ERCC2: variants seen among roughly 807,000 people sequenced by gnomAD.
ERCC2 encodes general transcription and DNA repair factor IIH helicase subunit XPD.
In ERCC2, 90 loss-of-function variants were observed where a neutral mutation model predicts 99.4. The ratio of observed to expected loss-of-function variants is 0.91; its 90% CI spans 0.76 to 1.08. The LOEUF (loss-of-function observed/expected upper bound fraction) is 1.08, where lower values mean the gene tolerates loss of function less well. Ranked by LOEUF, ERCC2 falls within the 50% of genes least tolerant of loss-of-function variation. The pLI is 0.00. For missense variants in ERCC2, 993 were observed against 1,038.1 expected (o/e 0.96, Z 0.60); for synonymous variants, 497 against 432.4 (o/e 1.15, Z -1.85).
At chr19:45,356,584 C>T (rs1203512801) in intron 15 of ERCC2, among the ~76,000 whole-genome samples, 6 of 152,130 alleles carry the variant, frequency 3.9e-5, no homozygotes, top group East Asian at 1.9e-4. Context: ...ACCAGGCGGG[C>T]GGATCACTTG....
rs763990019 is a variant in ERCC2 at position 45,369,059 on chromosome 19, G to T, written c.183+11C>A. 1 of 1,613,896 alleles carries T rather than the reference G, an allele frequency of 6.2e-7. No individual in the cohort carries two copies. Among genetic ancestry groups the T allele is most frequent in the Non-Finnish European group, 8.5e-7 (1 of 1,179,784 alleles). ...CTTTGTCTGCCTTTACGGGTTCAGC[G>T]CATCACTCACTCTCTGGTATGCCAT... On this transcript the variant is annotated intron_variant, in intron 3 of 22. Coordinates refer to ENST00000391945, the MANE Select transcript of ERCC2 (RefSeq NM_000400.4).
Position 45,350,574 on chromosome 19 carries a change from C to T in ERCC2, c.*1055G>A. 2 of 1,613,990 alleles carry T rather than the reference C, an allele frequency of 1.2e-6. No homozygotes were observed. The highest frequency in any genetic ancestry group is 1.7e-6 in the Non-Finnish European group (2 of 1,179,946). On this transcript the variant is annotated 3_prime_UTR_variant, in exon 23 of 23. Transcript: ENST00000391945. Reference sequence around the variant, plus strand: ...CAGGTGAGGATGGGCTGTGCTTCGGCTCCTGGGGTGGGCGTGGGGACTGCA... The same window carrying T: ...CAGGTGAGGATGGGCTGTGCTTCGGTTCCTGGGGTGGGCGTGGGGACTGCA...
In ERCC2 at chr19:45,368,496, T is replaced by C. The variant is rs562495906; in HGVS notation, c.360+134A>G. 4 of 720,330 alleles carry C rather than the reference T, an allele frequency of 5.6e-6. No individual in the cohort carries two copies. The Admixed American group carries it at 6.1e-5, about 11-fold the overall frequency. 44.6% of individuals were successfully genotyped at this position (720,330 alleles called of 1,614,324 possible). A position where few individuals can be genotyped will look rare whatever the true frequency, so the allele number is the denominator to read the frequency against. On this transcript the variant is annotated intron_variant, in intron 5 of 22. Coordinates refer to ENST00000391945, the MANE Select transcript of ERCC2 (RefSeq NM_000400.4). ...CCACGATGAATGAGAATTTGACCAC[T>C]GAGACGGGAATTCTGTGTGTAGCCA...
intron 11 of ERCC2, among the ~76,000 whole-genome samples, chr19:45,362,482 C>T (rs554082835): frequency 5.1e-4 from 77 of 152,332 alleles, no homozygotes; most frequent in African/African-American, 1.7e-3. Flanking sequence ...TCGGCCACAA[C>T]CACACACAGG....
At chr19:45,358,827 G>C (rs373281417) in intron 12 of ERCC2, 6 of 780,598 alleles carry the variant, frequency 7.7e-6, no homozygotes, top group Non-Finnish European at 1.4e-5. Flanking sequence ...CTTTGCTACT[G>C]GTTTTCCCAT....
rs1972567814 is a variant in ERCC2, at chr19:45,370,415, C to A, written c.5+121G>T. 9.3e-6 allele frequency: 14 copies of A among 1,498,680 alleles called. No homozygotes were observed. The South Asian group carries it at 1.7e-4, about 19-fold the overall frequency. The allele number at this position is 1,498,680 out of a possible 1,614,324, so 92.8% of individuals were successfully genotyped here. On this transcript the variant is annotated intron_variant, in intron 1 of 22. Coordinates refer to ENST00000391945, the MANE Select transcript of ERCC2 (RefSeq NM_000400.4). The stretch of plus-strand genomic sequence containing the variant: ...TATCACTGCTGCTCCCTGCGGCTGC[C>A]CCCGTCCCACCCCTTCACCCTCCCC...
Position 45,350,814 on chromosome 19 carries a change from C to T in ERCC2, c.*815G>A. ...GAATCCACAGCCCACCCCACCCCCA[C>T]CCCCATCTTGCTCAAGAACCTTCCA... On this transcript the variant is annotated 3_prime_UTR_variant, in exon 23 of 23. Transcript: ENST00000391945. 7.4e-7 allele frequency: 1 copy of T among 1,349,032 alleles called. No homozygotes were observed. 83.6% of individuals were successfully genotyped at this position (1,349,032 alleles called of 1,614,324 possible).
chr19:45,362,160 G>A (rs372232508), intron 11 of ERCC2, among the ~76,000 whole-genome samples: 5 of 151,926 alleles, frequency 3.3e-5, no homozygotes, highest in Non-Finnish European at 7.4e-5. Flanking sequence ...TTCTGACCTC[G>A]TGATCCACCT....
intron 12 of ERCC2, among the ~76,000 whole-genome samples, chr19:45,359,608 CA>C (rs1430355710): frequency 6.6e-6 from 1 of 152,140 alleles, no homozygotes; most frequent in Non-Finnish European, 1.5e-5. Context: ...TCCCTGGTCC[CA>C]AAACCCAGGC....
chr19:45,352,423 C>G, intron 21 of ERCC2, 71 bp from the exon 22 acceptor site: 2 of 1,613,774 alleles, frequency 1.2e-6, no homozygotes, highest in Non-Finnish European at 1.7e-6. Flanking sequence ...ACCCTGCAAC[C>G]CACCCCACCT....
Position 45,351,415 on chromosome 19 carries a change from G to A in ERCC2, c.*214C>T. The A allele has an allele frequency of 6.3e-7, 1 of 1,596,894 alleles. No individual in the cohort carries two copies. The highest frequency in any genetic ancestry group is 8.5e-7 in the Non-Finnish European group (1 of 1,175,044). On this transcript the variant is annotated 3_prime_UTR_variant, in exon 23 of 23. Transcript: ENST00000391945. ...GGGAACAGTGCAGGAGGGATGGGCT[G>A]GTGGGGTGAGAGGGGGTCTATCATC...
chr19:45,357,373 T>C lies in ERCC2; in HGVS notation c.1378-2A>G. ...GTAGATGTCCAGCGGGGACAGTGTC[T>C]GTGGCGGGACAGTGGGAGGGATCTC... On this transcript the variant is annotated splice_acceptor_variant, in intron 14 of 22. Transcript: ENST00000391945. LOFTEE classifies it high-confidence loss of function. 1 of 1,613,310 alleles carries C rather than the reference T, an allele frequency of 6.2e-7. No homozygotes were observed. Among genetic ancestry groups the C allele is most frequent in the South Asian group, 1.1e-5 (1 of 91,054 alleles).
Position 45,351,630 on chromosome 19 carries a change from CAG to C in ERCC2, c.2280_2281del (p.Ter761SerfsTer12). 3 of 1,613,998 alleles carry C rather than the reference CAG, an allele frequency of 1.9e-6. No individual in the cohort carries two copies. Among genetic ancestry groups the C allele is most frequent in the Non-Finnish European group, 2.5e-6 (3 of 1,179,956 alleles). On this transcript the variant is annotated frameshift_variant and stop_lost, in exon 23 of 23. Transcript: ENST00000391945. LOFTEE classifies it high-confidence loss of function. ...CGTTTATGGCCCCACCCGCCCCACT[CAG>C]AGCTGCTGAGCAATCTGCTCTATCC... is the stretch of plus-strand genomic sequence containing the variant.
chr19:45,369,068 A>C lies in ERCC2; in HGVS notation c.183+2T>G. 6.2e-7 allele frequency: 1 copy of C among 1,613,060 alleles called. No individual in the cohort carries two copies. The highest frequency in any genetic ancestry group is 8.5e-7 in the Non-Finnish European group (1 of 1,179,774). ...CCTTTACGGGTTCAGCGCATCACTC[A>C]CTCTCTGGTATGCCATGATCAGGGC... On this transcript the variant is annotated splice_donor_variant, in intron 3 of 22. Coordinates refer to ENST00000391945, the MANE Select transcript of ERCC2 (RefSeq NM_000400.4). LOFTEE classifies it high-confidence loss of function.
At position 45,350,147 on chromosome 19, in the gene ERCC2, C is replaced by T. The variant is rs556145425; in HGVS notation, c.*1482G>A. ...CAGCACATTAGAAAGTGGGGCCAGA[C>T]GTGGTGGTTCACGCTTGTAACCCCA... On this transcript the variant is annotated 3_prime_UTR_variant, in exon 23 of 23. Coordinates refer to ENST00000391945, the MANE Select transcript of ERCC2 (RefSeq NM_000400.4). 5.8e-5 allele frequency: 34 copies of T among 590,022 alleles called. No homozygotes were observed. The highest frequency in any genetic ancestry group is 4.5e-4 in the Middle Eastern group (1 of 2,216). 36.5% of individuals were successfully genotyped at this position (590,022 alleles called of 1,614,324 possible). A position where few individuals can be genotyped will look rare whatever the true frequency, so the allele number is the denominator to read the frequency against.
In ERCC2 at chr19:45,364,541, G is replaced by A. The variant is rs1799792; in HGVS notation, c.601C>T (p.His201Tyr). 3.2e-4 allele frequency: 515 copies of A among 1,613,138 alleles called. No homozygotes were observed. The Middle Eastern group carries it at 4.0e-3, about 12-fold the overall frequency. Residue 201 changes from histidine (H) to tyrosine (Y), a missense_variant, in exon 8 of 23, where the codon CAT becomes TAT. Physicochemically the swap from His to Tyr is moderately conservative, Grantham distance 83. Around this residue, in one of 3 missense-constraint regions of ERCC2, gnomAD observed 909 missense variants for 930.8 expected, o/e 0.98. Coordinates refer to ENST00000391945, the MANE Select transcript of ERCC2 (RefSeq NM_000400.4). ...PYFLARYSILHANVVVYSYHY... is the reference protein window; with the variant it reads ...PYFLARYSILYANVVVYSYHY... ...TAGCTATAAACCACCACATTGGCAT[G>A]CAGGATCTGGGGGGCCGGGGAGCAG... is the stretch of plus-strand genomic sequence containing the variant.
rs1362206560 is a variant in ERCC2 at position 45,350,295 on chromosome 19, T to C, written c.*1334A>G. On this transcript the variant is annotated 3_prime_UTR_variant, in exon 23 of 23. Transcript: ENST00000391945. ...AAAAAGGCGGGACTGGATGCAGTGT[T>C]GGGAACTGGGGTCCGAAAAGTTCCC... 1 of 1,479,706 alleles carries C rather than the reference T, an allele frequency of 6.8e-7. No homozygotes were observed. Among genetic ancestry groups the C allele is most frequent in the Non-Finnish European group, 9.3e-7 (1 of 1,070,130 alleles). The allele number at this position is 1,479,706 out of a possible 1,614,324, so 91.7% of individuals were successfully genotyped here. A position where few individuals can be genotyped will look rare whatever the true frequency, so the allele number is the denominator to read the frequency against.
chr19:45,350,472 T>G lies in ERCC2; in HGVS notation c.*1157A>C. 1.2e-6 allele frequency: 2 copies of G among 1,612,898 alleles called. No homozygotes were observed. The highest frequency in any genetic ancestry group is 1.7e-6 in the Non-Finnish European group (2 of 1,179,412). On this transcript the variant is annotated 3_prime_UTR_variant, in exon 23 of 23. Transcript: ENST00000391945. ...CTGTCTGTCTTCCCTCCTGGTGGCTTCTCTATGTCCCCATCTCAGTGTCCC... is the reference window on the plus strand; with the variant it reads ...CTGTCTGTCTTCCCTCCTGGTGGCTGCTCTATGTCCCCATCTCAGTGTCCC...
intron 19 of ERCC2, 37 bp downstream of exon 19, chr19:45,353,046 G>A (rs1254497688): frequency 6.3e-7 from 1 of 1,596,326 alleles, no homozygotes; most frequent in South Asian, 1.1e-5. Context: ...GAGAGCTCTG[G>A]GAAGACACCT....
Sources: allele counts gnomAD v4.1 joint callset (sites outside exome capture counted in the v4.1 genomes callset), GRCh38; gene constraint gnomAD v4.1.1; regional missense constraint gnomAD v4.1.1; transcripts MANE v1.5; gene names NCBI Gene and HGNC (gene_info 2026-07-23, HGNC 2026-07-21).